Variants in SNTG2 observed in about 807,000 individuals in gnomAD.
SNTG2 encodes the protein gamma-2-syntrophin.
Under a neutral mutation model 70.9 loss-of-function variants are expected in SNTG2, and 74 were observed. The observed-to-expected ratio is 1.04, with a 90% CI of 0.86 to 1.27. The LOEUF (loss-of-function observed/expected upper bound fraction) is 1.27, where lower values mean the gene tolerates loss of function less well. Among genes scored for constraint, SNTG2 ranks in the 50% most tolerant of loss-of-function variants. SNTG2 has a pLI of 0.00. For missense variants in SNTG2, 717 were observed against 690.7 expected, an observed-to-expected ratio of 1.04 and a Z score of -0.43; for synonymous variants, 278 against 273.8, an observed-to-expected ratio of 1.02 and a Z score of -0.15.
chr2:972,595 C>G (rs990399123), intron 1 of SNTG2, among the ~76,000 whole-genome samples: 1 of 152,128 alleles, frequency 6.6e-6, no homozygotes, highest in Non-Finnish European at 1.5e-5. Flanking sequence ...GGATCATCAT[C>G]ATAATATTGG....
rs575441134 is a variant in SNTG2 at position 1,327,000 on chromosome 2, C to T, written c.1488+10625C>T. On this transcript the variant is annotated intron_variant, in intron 16 of 16. Coordinates refer to ENST00000308624, the MANE Select transcript of SNTG2 (RefSeq NM_018968.4). Reference sequence around the variant, plus strand: ...CAAGTCTTTCTTGAAATCTTCCTTACAAAAAATATATCTTCTTATATTTTT... The same window carrying T: ...CAAGTCTTTCTTGAAATCTTCCTTATAAAAAATATATCTTCTTATATTTTT... 5.3e-4 allele frequency among the ~76,000 whole-genome samples: 80 copies of T among 152,000 alleles called. 1 individual carries two copies. In the Middle Eastern group the frequency reaches 0.02, roughly 39 times the overall value.
chr2:1,335,691 G>A (rs1336374635), intron 16 of SNTG2, among the ~76,000 whole-genome samples: 1 of 151,780 alleles, frequency 6.6e-6, no homozygotes, highest in East Asian at 1.9e-4. Flanking sequence ...GCCTGTGTGG[G>A]TCTGGATTGA....
At chr2:1,195,888 T>A (rs1229853322) in intron 8 of SNTG2, among the ~76,000 whole-genome samples, 1 of 150,896 alleles carries the variant, frequency 6.6e-6, no homozygotes, top group Non-Finnish European at 1.5e-5. Context: ...TTATCTTTAT[T>A]GATCAGGAAA....
At chr2:1,297,588 G>C (rs1345819611) in intron 14 of SNTG2, among the ~76,000 whole-genome samples, 1 of 150,382 alleles carries the variant, frequency 6.6e-6, no homozygotes, top group African/African-American at 2.5e-5. Context: ...CCTTCCCAGC[G>C]GCCCAGCCCG....
At chr2:1,155,814 G>T (rs1326550330) in intron 6 of SNTG2, among the ~76,000 whole-genome samples, 1 of 152,178 alleles carries the variant, frequency 6.6e-6, no homozygotes, top group Non-Finnish European at 1.5e-5. Context: ...CGTGGGAGGG[G>T]TGCAGGCACG....
intron 9 of SNTG2, among the ~76,000 whole-genome samples, chr2:1,211,436 G>GAAAT (rs1232152220): frequency 6.6e-6 from 1 of 152,188 alleles, no homozygotes; most frequent in East Asian, 1.9e-4. Flanking sequence ...TCATAAGATG[G>GAAAT]AAATGTCTCC....
chr2:952,456 G>A (rs1401166827), intron 1 of SNTG2, among the ~76,000 whole-genome samples: 1 of 152,190 alleles, frequency 6.6e-6, no homozygotes, highest in Non-Finnish European at 1.5e-5. Flanking sequence ...TGAGTTATTG[G>A]CAATAACGTC....
intron 6 of SNTG2, among the ~76,000 whole-genome samples, chr2:1,155,519 A>G (rs12714390): frequency 0.78 from 118,706 of 151,898 alleles, 47,228 homozygotes; most frequent in Non-Finnish European, 0.86. Flanking sequence ...AGGTTAATAC[A>G]GAAAGGAGAG....
chr2:1,312,419 G>A (rs990733260), intron 15 of SNTG2, among the ~76,000 whole-genome samples: 12 of 152,142 alleles, frequency 7.9e-5, no homozygotes, highest in Admixed American at 7.2e-4. Flanking sequence ...ATCAGAAGTG[G>A]GAGAGGACAT....
intron 9 of SNTG2, among the ~76,000 whole-genome samples, chr2:1,222,563 G>A (rs1186704676): frequency 2.0e-5 from 1 of 50,184 alleles, no homozygotes; most frequent in Admixed American, 1.8e-4. Flanking sequence ...GGAAAGCGGT[G>A]CAGTGATGGA....
chr2:1,088,496 C>T (rs938716449), intron 2 of SNTG2, among the ~76,000 whole-genome samples: 3 of 152,210 alleles, frequency 2.0e-5, no homozygotes, highest in Admixed American at 6.5e-5. Context: ...TCGGCCTGTG[C>T]TCCACAGAGC....
intron 1 of SNTG2, among the ~76,000 whole-genome samples, chr2:1,032,033 A>G (rs1354951971): frequency 6.6e-6 from 1 of 152,204 alleles, no homozygotes; most frequent in Non-Finnish European, 1.5e-5. Context: ...ATAGTATGTG[A>G]ATTATATATA....
At chr2:1,061,446 C>T (rs911052199) in intron 1 of SNTG2, among the ~76,000 whole-genome samples, 1 of 152,196 alleles carries the variant, frequency 6.6e-6, no homozygotes, top group African/African-American at 2.4e-5. Flanking sequence ...GTGCAGCAAA[C>T]AGCTTTCCGA....
chr2:1,189,837 G>A (rs1331826076), intron 8 of SNTG2, among the ~76,000 whole-genome samples: 3 of 152,068 alleles, frequency 2.0e-5, no homozygotes, highest in Non-Finnish European at 2.9e-5. Flanking sequence ...GTGAGCCACC[G>A]TGCCCGGCCG....
intron 8 of SNTG2, 131 bp from the exon 9 acceptor site, chr2:1,208,972 A>G (rs1673852892): frequency 9.3e-7 from 1 of 1,073,400 alleles, no homozygotes; most frequent in Admixed American, 3.1e-5. Context: ...TTCAGAAACA[A>G]CCTCACTTGC....
At chr2:1,181,762 G>T (rs144267607) in intron 8 of SNTG2, among the ~76,000 whole-genome samples, 5 of 152,278 alleles carry the variant, frequency 3.3e-5, no homozygotes, top group Non-Finnish European at 7.4e-5. Context: ...CCTCCTAAAA[G>T]CTGAAGCTTG....
chr2:1,127,862 C>G (rs1667796058), intron 4 of SNTG2, among the ~76,000 whole-genome samples: 2 of 152,040 alleles, frequency 1.3e-5, no homozygotes, highest in African/African-American at 2.4e-5. Context: ...TTTGGTAGAA[C>G]CTTTAGGTTT....
At chr2:1,256,943 A>T (rs1018184043) in intron 12 of SNTG2, among the ~76,000 whole-genome samples, 3 of 149,816 alleles carry the variant, frequency 2.0e-5, no homozygotes, top group African/African-American at 7.4e-5. Flanking sequence ...AAGAACAATG[A>T]TGAGAAAGAC....
rs1381222341 is a variant in SNTG2 at position 1,255,871 on chromosome 2, TAA to T, written c.1006-3497_1006-3496del. On this transcript the variant is annotated intron_variant, in intron 12 of 16. Transcript: ENST00000308624. ...ATATATAAATATATATAAATATATA[TAA>T]ATATATATATAAATATATATAAATA... Among the ~76,000 whole-genome samples the T allele has an allele frequency of 6.4e-5, 4 of 62,066 alleles. No homozygotes were observed. In the East Asian group the frequency reaches 1.4e-3, roughly 22 times the overall value. 40.7% of individuals were successfully genotyped at this position (62,066 alleles called of 152,430 possible). A position where few individuals can be genotyped will look rare whatever the true frequency, so the allele number is the denominator to read the frequency against.
Sources: gnomAD v4.1 joint callset for allele counts (sites outside exome capture counted in the v4.1 genomes callset) on GRCh38, gnomAD v4.1.1 for gene constraint, MANE v1.5 for transcripts, NCBI Gene and HGNC (gene_info 2026-07-23, HGNC 2026-07-21) for gene names.